RNF157: variants seen among roughly 807,000 people sequenced by gnomAD.
RNF157 encodes ring finger protein 157.
In RNF157, 55 loss-of-function variants were observed where a neutral mutation model predicts 88.3. The observed-to-expected ratio is 0.62, with a 90% CI of 0.50 to 0.78. The LOEUF is 0.78. RNF157 is among the 30% of genes least tolerant of loss of function. The pLI, the probability that RNF157 is intolerant of heterozygous loss-of-function variation, is 0.00. For missense variants in RNF157, 788 were observed against 860.8 expected, an observed-to-expected ratio of 0.92 and a Z score of 1.06; for synonymous variants, 334 against 341.2, an observed-to-expected ratio of 0.98 and a Z score of 0.23.
intron 2 of RNF157, among the ~76,000 whole-genome samples, chr17:76,204,529 T>C (rs1303118956): frequency 1.3e-5 from 2 of 152,332 alleles, no homozygotes; most frequent in African/African-American, 2.4e-5. Flanking sequence ...TAAATACTTG[T>C]TGAATGAATG....
rs2068563486 is a variant in RNF157, at chr17:76,145,000, A to C, written c.*235T>G. On this transcript the variant is annotated 3_prime_UTR_variant, in exon 19 of 19. Coordinates refer to ENST00000269391, the MANE Select transcript of RNF157 (RefSeq NM_052916.3). ...TCAATATACCGTGAGGACATTCCAG[A>C]GTCCCTGCAAAAGGTCTCGTGAGCT... 1 of 489,400 alleles carries C rather than the reference A, an allele frequency of 2.0e-6. No homozygotes were observed. Among genetic ancestry groups the C allele is most frequent in the African/African-American group, 1.9e-5 (1 of 51,338 alleles). 30.3% of individuals were successfully genotyped at this position (489,400 alleles called of 1,614,324 possible).
chr17:76,170,689 C>T (rs2068999303), intron 3 of RNF157, among the ~76,000 whole-genome samples: 1 of 151,994 alleles, frequency 6.6e-6, no homozygotes, highest in South Asian at 2.1e-4. Context: ...ATTTCTGAAC[C>T]CTTTGGGGGA....
chr17:76,166,568 A>G (rs2068928850), intron 5 of RNF157, 41 bp from the exon 6 acceptor site: 1 of 1,528,580 alleles, frequency 6.5e-7, no homozygotes. Context: ...AAGAGGACTT[A>G]ACACATTTAC....
rs747904035 is a variant in RNF157 at position 76,161,795 on chromosome 17, CT to C, written c.952+47del. ...TGCTTCAGTGTTTTGTAAATGTCCT[CT>C]TGTCCCCTCTCCCACCCACCAGTCC... On this transcript the variant is annotated intron_variant, in intron 10 of 18. Coordinates refer to ENST00000269391, the MANE Select transcript of RNF157 (RefSeq NM_052916.3). This position sits in a 1 kb window ranked among gnomAD's most constrained non-coding sequence, Gnocchi z 4.6. The C allele has an allele frequency of 1.9e-6, 3 of 1,598,690 alleles. No homozygotes were observed. The East Asian group carries it at 6.7e-5, about 36-fold the overall frequency.
At chr17:76,217,445 A>G (rs2069908284) in intron 1 of RNF157, among the ~76,000 whole-genome samples, 1 of 152,216 alleles carries the variant, frequency 6.6e-6, no homozygotes, top group South Asian at 2.1e-4. Flanking sequence ...AAAGCAAATC[A>G]GCCTTTTTCA....
In RNF157 at chr17:76,173,751, T is replaced by A. The variant is rs1321302499; in HGVS notation, c.247A>T (p.Thr83Ser). 1 of 1,611,062 alleles carries A rather than the reference T, an allele frequency of 6.2e-7. No homozygotes were observed. The highest frequency in any genetic ancestry group is 8.5e-7 in the Non-Finnish European group (1 of 1,178,372). ...CGGATATTGACCAGGCTTCTCAGAGTCTTCACGGGTTCTTGGGGAGGTGGG... is the reference window on the plus strand; with the variant it reads ...CGGATATTGACCAGGCTTCTCAGAGACTTCACGGGTTCTTGGGGAGGTGGG... ...AAPPPQEPVK[T>S]LRSLVNIRKD... Residue 83 changes from threonine to serine, a missense_variant, in exon 3 of 19, where the codon ACT becomes TCT. By Grantham distance (58) the Thr-to-Ser change is moderately conservative. Transcript: ENST00000269391.
chr17:76,182,654 CAAT>C (rs1287798174), intron 2 of RNF157, among the ~76,000 whole-genome samples: 2 of 150,794 alleles, frequency 1.3e-5, no homozygotes, highest in Non-Finnish European at 3.0e-5. Context: ...CAAAAAAACA[CAAT>C]AATCCATTCA....
intron 2 of RNF157, among the ~76,000 whole-genome samples, chr17:76,190,239 T>G (rs566045331): frequency 6.6e-6 from 1 of 151,278 alleles, no homozygotes; most frequent in East Asian, 2.0e-4. Flanking sequence ...CAATTTCGCC[T>G]CACTGCGACT....
intron 1 of RNF157, among the ~76,000 whole-genome samples, chr17:76,232,311 C>T (rs1160794108): frequency 6.6e-6 from 1 of 152,040 alleles, no homozygotes; most frequent in Non-Finnish European, 1.5e-5. Context: ...GTGCCTGAGC[C>T]CAGTAGGTCG....
chr17:76,169,473 T>C (rs2068979329), intron 3 of RNF157, among the ~76,000 whole-genome samples: 1 of 152,172 alleles, frequency 6.6e-6, no homozygotes, highest in Non-Finnish European at 1.5e-5. Flanking sequence ...GGTCTCACTA[T>C]GTTGCCCAGG....
chr17:76,173,745 T>C lies in RNF157; in HGVS notation c.253A>G (p.Arg85Gly). The C allele has an allele frequency of 1.2e-6, 2 of 1,611,308 alleles. No individual in the cohort carries two copies. The highest frequency in any genetic ancestry group is 1.3e-5 in the African/African-American group (1 of 74,964). ...PPPQEPVKTL[R>G]SLVNIRKDTL... ...TCCTTTCGGATATTGACCAGGCTTCTCAGAGTCTTCACGGGTTCTTGGGGA... is the reference window on the plus strand; with the variant it reads ...TCCTTTCGGATATTGACCAGGCTTCCCAGAGTCTTCACGGGTTCTTGGGGA... Residue 85 changes from arginine to glycine, a missense_variant, in exon 3 of 19, where the codon AGA (arginine) becomes GGA (glycine). Coordinates refer to ENST00000269391, the MANE Select transcript of RNF157 (RefSeq NM_052916.3).
chr17:76,146,627 G>A lies in RNF157; in HGVS notation c.1922-1274C>T, dbSNP rs1370252091. 2.0e-6 allele frequency: 2 copies of A among 985,372 alleles called. No homozygotes were observed. Among genetic ancestry groups the A allele is most frequent in the African/African-American group, 3.5e-5 (2 of 57,250 alleles). The allele number at this position is 985,372 out of a possible 1,614,324, so 61.0% of individuals were successfully genotyped here. A position where few individuals can be genotyped will look rare whatever the true frequency, so the allele number is the denominator to read the frequency against. ...GGCATCTCTGGCCGGGGGAGGCCCAGTGTGCTCCTAAGTGCTCCCTGCAGC... is the reference window on the plus strand; with the variant it reads ...GGCATCTCTGGCCGGGGGAGGCCCAATGTGCTCCTAAGTGCTCCCTGCAGC... On this transcript the variant is annotated intron_variant, in intron 18 of 18. Coordinates refer to ENST00000269391, the MANE Select transcript of RNF157 (RefSeq NM_052916.3). This position sits in a 1 kb window ranked among gnomAD's most constrained non-coding sequence, Gnocchi z 4.2.
chr17:76,211,313 C>T (rs1222083443), intron 2 of RNF157, among the ~76,000 whole-genome samples: 3 of 152,242 alleles, frequency 2.0e-5, no homozygotes, highest in Non-Finnish European at 4.4e-5. Context: ...CACCATTCTT[C>T]AAAGGCCAGT....
intron 2 of RNF157, among the ~76,000 whole-genome samples, chr17:76,181,753 CA>C (rs1202650999): frequency 1.3e-5 from 2 of 151,014 alleles, no homozygotes; most frequent in Non-Finnish European, 3.0e-5. Flanking sequence ...ACTAAAAATA[CA>C]AAAATCAGCT....
intron 18 of RNF157, among the ~76,000 whole-genome samples, chr17:76,148,060 G>C (rs2068611643): frequency 6.6e-6 from 1 of 152,054 alleles, no homozygotes; most frequent in East Asian, 1.9e-4. Context: ...GAGAAACTTA[G>C]TTTGAAATTT....
In RNF157 at chr17:76,142,947, TCTC is replaced by T. The variant is rs1161669698; in HGVS notation, c.*2285_*2287del. 6.6e-6 allele frequency: 1 copy of T among 152,288 alleles called. No individual in the cohort carries two copies. Among genetic ancestry groups the T allele is most frequent in the Non-Finnish European group, 1.5e-5 (1 of 68,166 alleles). The allele number at this position is 152,288 out of a possible 1,614,324, so 9.4% of individuals were successfully genotyped here. A position where few individuals can be genotyped will look rare whatever the true frequency, so the allele number is the denominator to read the frequency against. On this transcript the variant is annotated 3_prime_UTR_variant, in exon 19 of 19. Transcript: ENST00000269391. ...GTGGGAGAAGCCAGGCCCCACCTCT[TCTC>T]TTTGGGTGAACTGTTGACGTGACTA...
At chr17:76,191,622 A>C (rs1022291178) in intron 2 of RNF157, among the ~76,000 whole-genome samples, 2 of 146,122 alleles carry the variant, frequency 1.4e-5, no homozygotes, top group African/African-American at 2.6e-5. Flanking sequence ...AAAAAAAAAA[A>C]CATTAGCCAG....
At chr17:76,219,230 T>C (rs2069940861) in intron 1 of RNF157, among the ~76,000 whole-genome samples, 1 of 151,452 alleles carries the variant, frequency 6.6e-6, no homozygotes, top group Admixed American at 6.6e-5. Flanking sequence ...TAGAGAAAAA[T>C]ACAAACCTTC....
At chr17:76,188,778 C>T (rs1383427945) in intron 2 of RNF157, among the ~76,000 whole-genome samples, 1 of 152,178 alleles carries the variant, frequency 6.6e-6, no homozygotes, top group East Asian at 1.9e-4. Flanking sequence ...TAGTGACTGG[C>T]TTCTAACGAA....
Sources: gnomAD v4.1 joint callset for allele counts (sites outside exome capture counted in the v4.1 genomes callset) on GRCh38, gnomAD v4.1.1 for gene constraint, Gnocchi (gnomAD v3.1) non-coding constraint, MANE v1.5 for transcripts, NCBI Gene and HGNC (gene_info 2026-07-23, HGNC 2026-07-21) for gene names.